The following NEBL variants were observed in gnomAD, a reference collection of about 807,000 sequenced individuals.
The protein encoded by NEBL is nebulette.
Under a neutral mutation model 140.2 loss-of-function variants are expected in NEBL, and 122 were observed. The ratio of observed to expected loss-of-function variants is 0.87; its 90% CI spans 0.75 to 1.01. The LOEUF is 1.01. NEBL is among the 50% of genes least tolerant of loss of function. NEBL has a pLI of 0.00. For missense variants in NEBL, 1,365 were observed against 1,231.3 expected (o/e 1.11, Z -1.62); for synonymous variants, 436 against 398.9 (o/e 1.09, Z -1.11).
At chr10:20,850,276 T>A (rs575193079) in intron 11 of NEBL, 119 bp downstream of exon 11, 3 of 806,464 alleles carry the variant, frequency 3.7e-6, no homozygotes, top group East Asian at 5.0e-5. Context: ...AGAAAGCAGG[T>A]CCTTGAATCT....
In NEBL at chr10:20,949,451, C is replaced by T. The variant is rs534191375; in HGVS notation, c.357+12221G>A. Among the ~76,000 whole-genome samples, 11 of 152,002 alleles carry T rather than the reference C, an allele frequency of 7.2e-5. No individual in the cohort carries two copies. In the South Asian group the frequency reaches 1.5e-3, roughly 20 times the overall value. ...CACATTCTGCACATGTATCCCAGAA[C>T]GTAAAGTAAAAAATAAAAAGAAATT... is the stretch of plus-strand genomic sequence containing the variant. On this transcript the variant is annotated intron_variant, in intron 4 of 6. Coordinates refer to the NEBL transcript ENST00000417816.
chr10:21,125,989 G>A (rs139744509), intron 2 of NEBL: 25 of 1,614,058 alleles, frequency 1.5e-5, no homozygotes, highest in Middle Eastern at 1.6e-4. Context: ...CTGGATGGGC[G>A]GCTTGTAGAG....
intron 5 of NEBL, among the ~76,000 whole-genome samples, chr10:20,874,906 GTTTTTGTAT>G (rs754714298): frequency 1.3e-5 from 2 of 151,828 alleles, no homozygotes; most frequent in Non-Finnish European, 2.9e-5. Context: ...CACCCAGATA[GTTTTTGTAT>G]TTTTAGTAGA....
chr10:20,982,187 T>TA (rs1244333356), intron 3 of NEBL, among the ~76,000 whole-genome samples: 2 of 152,170 alleles, frequency 1.3e-5, no homozygotes, highest in Admixed American at 6.5e-5. Flanking sequence ...GCATATGGTT[T>TA]AGGAATGCAT....
chr10:20,793,945 T>C (rs1588612919), intron 26 of NEBL, among the ~76,000 whole-genome samples: 1 of 152,110 alleles, frequency 6.6e-6, no homozygotes, highest in Non-Finnish European at 1.5e-5. Context: ...AATTTAGGGG[T>C]ATATGTGGCT....
rs148502279 is a variant in NEBL at position 20,864,399 on chromosome 10, C to T, written c.684+4265G>A. On this transcript the variant is annotated intron_variant, in intron 7 of 27. Coordinates refer to ENST00000377122, the MANE Select transcript of NEBL (RefSeq NM_006393.3). Reference sequence around the variant, plus strand: ...TTTAAAAAGGGAAAGTTTACAACTACGGGAGCAAAGCTATTGTAGAAGTTA... The same window carrying T: ...TTTAAAAAGGGAAAGTTTACAACTATGGGAGCAAAGCTATTGTAGAAGTTA... Among the ~76,000 whole-genome samples, 86 of 152,192 alleles carry T rather than the reference C, an allele frequency of 5.7e-4. 1 individual carries two copies. The East Asian group carries it at 0.015, about 27-fold the overall frequency.
chr10:21,062,489 T>A (rs1424795465), intron 2 of NEBL, among the ~76,000 whole-genome samples: 5 of 151,402 alleles, frequency 3.3e-5, no homozygotes, highest in Non-Finnish European at 5.9e-5. Flanking sequence ...AGAGAAACCC[T>A]GTCTCTACAA....
At chr10:21,124,610 G>A (rs1185844318) in intron 2 of NEBL, among the ~76,000 whole-genome samples, 3 of 152,188 alleles carry the variant, frequency 2.0e-5, no homozygotes, top group East Asian at 3.9e-4. Flanking sequence ...GGGGAATGTA[G>A]AGTTTGGAAA....
chr10:20,817,859 T>G (rs1056163194), intron 20 of NEBL, among the ~76,000 whole-genome samples, 167 bp from the exon 21 acceptor site: 1 of 152,234 alleles, frequency 6.6e-6, no homozygotes, highest in African/African-American at 2.4e-5. Context: ...TGGGTCTGAT[T>G]TAGCAAGCAC....
chr10:20,787,710 A>G (rs951635476), intron 26 of NEBL, among the ~76,000 whole-genome samples: 2 of 152,210 alleles, frequency 1.3e-5, no homozygotes, highest in African/African-American at 4.8e-5. Context: ...AAGTGTTTTC[A>G]CAGGGTATTT....
chr10:21,067,548 T>C (rs890946384), intron 2 of NEBL, among the ~76,000 whole-genome samples: 2 of 152,072 alleles, frequency 1.3e-5, no homozygotes, highest in African/African-American at 4.8e-5. Flanking sequence ...AATTAGACTT[T>C]GAAAAGAACA....
At chr10:21,131,630 T>C (rs557549943) in intron 2 of NEBL, among the ~76,000 whole-genome samples, 1 of 149,682 alleles carries the variant, frequency 6.7e-6, no homozygotes. Context: ...CCATATGTTA[T>C]TGTTTTCAAA....
chr10:20,940,293 G>A lies in NEBL; in HGVS notation c.357+21379C>T, dbSNP rs1379404076. On this transcript the variant is annotated intron_variant, in intron 4 of 6. Transcript: ENST00000417816. ...AGGATTAAGAAACTCAATCAAAACC[G>A]CTCAACTACATGGAAACTGAACAAC... Among the ~76,000 whole-genome samples, 42 of 150,704 alleles carry A rather than the reference G, an allele frequency of 2.8e-4. No individual in the cohort carries two copies. In the East Asian group the frequency reaches 5.2e-3, roughly 19 times the overall value.
intron 3 of NEBL, among the ~76,000 whole-genome samples, chr10:21,230,372 T>A (rs1020475649): frequency 1.3e-5 from 2 of 152,152 alleles, no homozygotes. Context: ...GCACATTACA[T>A]GGGAGAAAGT....
chr10:21,149,285 T>C (rs1840044094), intron 2 of NEBL, among the ~76,000 whole-genome samples: 1 of 151,732 alleles, frequency 6.6e-6, no homozygotes, highest in Admixed American at 6.6e-5. Flanking sequence ...TCCTTTGCAA[T>C]AGTCTTTCTT....
At chr10:21,180,903 G>A (rs1318808216) in intron 3 of NEBL, among the ~76,000 whole-genome samples, 2 of 152,020 alleles carry the variant, frequency 1.3e-5, no homozygotes, top group African/African-American at 4.8e-5. Context: ...GTAGAAATGT[G>A]GTAGATTAGA....
At chr10:20,840,710 C>T (rs1564371842) in intron 13 of NEBL, 29 bp downstream of exon 13, 2 of 1,396,390 alleles carry the variant, frequency 1.4e-6, no homozygotes, top group African/African-American at 1.4e-5. Flanking sequence ...AAAACATATT[C>T]ATCTAAGGTG....
At chr10:20,880,524 C>A (rs1405224337) in intron 5 of NEBL, among the ~76,000 whole-genome samples, 1 of 152,106 alleles carries the variant, frequency 6.6e-6, no homozygotes, top group Non-Finnish European at 1.5e-5. Flanking sequence ...TCTGGAAATG[C>A]TTGATAACCC....
chr10:21,289,366 T>C (rs188390316), intron 1 of NEBL, among the ~76,000 whole-genome samples: 43 of 152,326 alleles, frequency 2.8e-4, no homozygotes, highest in Admixed American at 1.4e-3. Flanking sequence ...CTCAGCTAAA[T>C]GATCTCCATT....
Sources: gnomAD v4.1 joint callset for allele counts (sites outside exome capture counted in the v4.1 genomes callset) on GRCh38, gnomAD v4.1.1 for gene constraint, MANE v1.5 for transcripts, NCBI Gene and HGNC (gene_info 2026-07-23, HGNC 2026-07-21) for gene names.